Variants in ITGB3 observed in about 807,000 individuals in gnomAD.
The protein encoded by ITGB3 is integrin subunit beta 3, also known as integrin beta-3.
ITGB3 carries 48 observed loss-of-function variants against 85.8 expected under a neutral mutation model. The observed-to-expected ratio is 0.56, with a 90% confidence interval of 0.44 to 0.71. The LOEUF (loss-of-function observed/expected upper bound fraction) is 0.71. Ranked by LOEUF, ITGB3 falls within the 30% of genes least tolerant of loss-of-function variation. The probability of loss-of-function intolerance (pLI) is 0.00; values close to 1 mark genes in which losing one functional copy is unlikely to be tolerated. For missense variants in ITGB3, 861 were observed against 1,019.1 expected, an observed-to-expected ratio of 0.84 and a Z score of 2.11; for synonymous variants, 363 against 395.6, an observed-to-expected ratio of 0.92 and a Z score of 0.98.
chr17:47,292,943 A>G (rs924523914), intron 10 of ITGB3, among the ~76,000 whole-genome samples: 3 of 152,216 alleles, frequency 2.0e-5, no homozygotes, highest in African/African-American at 4.8e-5. Context: ...TGTTAATGTT[A>G]GCACTATTTT....
chr17:47,273,440 G>T (rs1303809083), intron 1 of ITGB3, among the ~76,000 whole-genome samples: 1 of 152,224 alleles, frequency 6.6e-6, no homozygotes, highest in African/African-American at 2.4e-5. Context: ...GGAATGCTGA[G>T]CTAGGCAATT....
At chr17:47,275,884 C>A (rs969870594) in intron 2 of ITGB3, among the ~76,000 whole-genome samples, 2 of 152,176 alleles carry the variant, frequency 1.3e-5, no homozygotes, top group Non-Finnish European at 2.9e-5. Flanking sequence ...CCTTCTCCCC[C>A]ACCCCCGCAG....
rs1467586885 is a variant in ITGB3 at position 47,292,492 on chromosome 17, C to CACA, written c.1614_1615insACA (p.Asp538_Phe539insThr). The stretch of plus-strand genomic sequence containing the variant: ...GTCAATGTGTCTGCCACAGCAGTGA[C>CACA]TTTGGCAAGATCACGGGCAAGTACT... On this transcript the variant is annotated inframe_insertion, in exon 10 of 15. Coordinates refer to ENST00000559488, the MANE Select transcript of ITGB3 (RefSeq NM_000212.3). 1.9e-6 allele frequency: 3 copies of CACA among 1,609,868 alleles called. No individual in the cohort carries two copies. The African/African-American group carries it at 4.0e-5, about 21-fold the overall frequency.
At chr17:47,284,767 T>C in intron 4 of ITGB3, 72 bp downstream of exon 4, 1 of 1,587,686 alleles carries the variant, frequency 6.3e-7, no homozygotes, top group Non-Finnish European at 8.6e-7. Flanking sequence ...TTCCTATTTC[T>C]AGCTCTAGGA....
rs1240965034 is a variant in ITGB3 at position 47,312,894 on chromosome 17, C to T, written c.*2690C>T. On this transcript the variant is annotated 3_prime_UTR_variant, in exon 15 of 15. Transcript: ENST00000559488. ...CAGTCTCAGGATCTGTGGACAATAA[C>T]GGAAAACTTTGAATATTCCTGACAA... is the stretch of plus-strand genomic sequence containing the variant. Among the ~76,000 whole-genome samples the T allele has an allele frequency of 2.6e-5, 4 of 152,002 alleles. No homozygotes were observed. Among genetic ancestry groups the T allele is most frequent in the East Asian group, 1.9e-4 (1 of 5,198 alleles).
chr17:47,302,637 G>C (rs188852881), intron 12 of ITGB3, 84 bp from the exon 13 acceptor site: 2 of 1,535,624 alleles, frequency 1.3e-6, no homozygotes, highest in Non-Finnish European at 1.8e-6. Context: ...ATACTTCCCT[G>C]GAAGTCCTGT....
chr17:47,256,474 C>CG (rs2064990389), intron 1 of ITGB3, among the ~76,000 whole-genome samples: 1 of 69,080 alleles, frequency 1.4e-5, no homozygotes, highest in Admixed American at 1.3e-4. Flanking sequence ...CAGAGTAATA[C>CG]CCCCCCCCCC....
At chr17:47,283,655 G>A in intron 3 of ITGB3, 106 bp downstream of exon 3, 2 of 1,090,220 alleles carry the variant, frequency 1.8e-6, no homozygotes, top group Non-Finnish European at 2.8e-6. Context: ...GAATGGAAAT[G>A]GGGTGGGAAG....
intron 1 of ITGB3, among the ~76,000 whole-genome samples, chr17:47,258,591 C>T (rs1193108126): frequency 1.3e-5 from 2 of 152,074 alleles, no homozygotes; most frequent in African/African-American, 4.8e-5. Context: ...CCCTAAAATT[C>T]CCCCAAGCTC....
chr17:47,302,933 A>T, intron 13 of ITGB3, 93 bp downstream of exon 13: 2 of 1,454,364 alleles, frequency 1.4e-6, no homozygotes, highest in Non-Finnish European at 1.9e-6. Context: ...GCTGTTAAGC[A>T]AAACAGGTTA....
chr17:47,290,504 A>T (rs2065121124), intron 8 of ITGB3, among the ~76,000 whole-genome samples: 2 of 147,008 alleles, frequency 1.4e-5, no homozygotes, highest in Non-Finnish European at 3.1e-5. Flanking sequence ...GGGGATGGGG[A>T]TGGTGATTAG....
chr17:47,283,444 G>A lies in ITGB3; in HGVS notation c.256G>A (p.Glu86Lys), dbSNP rs1748548238. Reference protein sequence around the residue: ...APESIEFPVSEARVLEDRPLS... With the variant: ...APESIEFPVSKARVLEDRPLS... Reference sequence around the variant, plus strand: ...AGAATCCATCGAGTTCCCAGTGAGTGAGGCCCGAGTACTAGAGGACAGGCC... The same window carrying A: ...AGAATCCATCGAGTTCCCAGTGAGTAAGGCCCGAGTACTAGAGGACAGGCC... Residue 86 changes from glutamate (E) to lysine (K), a missense_variant, in exon 3 of 15, where the codon GAG (glutamate) becomes AAG (lysine). By Grantham distance (56) the Glu-to-Lys change is moderately conservative. Coordinates refer to ENST00000559488, the MANE Select transcript of ITGB3 (RefSeq NM_000212.3). The A allele has an allele frequency of 6.2e-7, 1 of 1,614,122 alleles. No homozygotes were observed. Among genetic ancestry groups the A allele is most frequent in the South Asian group, 1.1e-5 (1 of 91,096 alleles).
chr17:47,284,742 A>T, intron 4 of ITGB3, 47 bp downstream of exon 4: 1 of 1,612,454 alleles, frequency 6.2e-7, no homozygotes, highest in Non-Finnish European at 8.5e-7. Flanking sequence ...TGCCCCAGGA[A>T]GGTCCAAGTC....
intron 9 of ITGB3, chr17:47,291,346 CTTTG>C: frequency 1.7e-6 from 1 of 603,986 alleles, no homozygotes; most frequent in Non-Finnish European, 2.9e-6. Flanking sequence ...ATTTGGTTAC[CTTTG>C]TTTGTGTATG....
chr17:47,306,530 G>A (rs887137789), intron 13 of ITGB3, among the ~76,000 whole-genome samples: 1 of 152,144 alleles, frequency 6.6e-6, no homozygotes, highest in African/African-American at 2.4e-5. Flanking sequence ...CTCCTGCCTC[G>A]GCCTCCCAAG....
At chr17:47,271,492 G>C (rs1164835044) in intron 1 of ITGB3, among the ~76,000 whole-genome samples, 1 of 152,212 alleles carries the variant, frequency 6.6e-6, no homozygotes, top group East Asian at 1.9e-4. Flanking sequence ...ATGCTGAAAT[G>C]AATTAGTGAA....
intron 2 of ITGB3, among the ~76,000 whole-genome samples, chr17:47,274,988 C>T (rs548317696): frequency 1.3e-5 from 2 of 152,044 alleles, no homozygotes; most frequent in East Asian, 1.9e-4. Context: ...GGAAGCAGGG[C>T]GTCAGGTCTC....
chr17:47,282,929 A>C (rs2065088888), intron 2 of ITGB3, among the ~76,000 whole-genome samples: 1 of 152,240 alleles, frequency 6.6e-6, no homozygotes, highest in African/African-American at 2.4e-5. Context: ...GACACCTGCT[A>C]AATTGATTTT....
chr17:47,274,904 A>G (rs908867954), intron 2 of ITGB3, among the ~76,000 whole-genome samples: 2 of 152,138 alleles, frequency 1.3e-5, no homozygotes, highest in Admixed American at 1.3e-4. Flanking sequence ...TTGGCCTCCC[A>G]ATGTGCTGGG....
Sources: gnomAD v4.1 joint callset for allele counts (sites outside exome capture counted in the v4.1 genomes callset) on GRCh38, gnomAD v4.1.1 for gene constraint, MANE v1.5 for transcripts, NCBI Gene and HGNC (gene_info 2026-07-23, HGNC 2026-07-21) for gene names.